TMPRSS9: variants seen among roughly 807,000 people sequenced by gnomAD.
The protein encoded by TMPRSS9 is transmembrane serine protease 9, also known as transmembrane protease serine 9.
Under a neutral mutation model 111.4 loss-of-function variants are expected in TMPRSS9, and 113 were observed. That is an observed-to-expected ratio of 1.01 (90% CI 0.87 to 1.19). TMPRSS9 has a LOEUF of 1.19. Ranked by LOEUF, TMPRSS9 falls within the 50% of genes most tolerant of loss-of-function variation. TMPRSS9 has a pLI of 0.00. For synonymous variants in TMPRSS9, 805 were observed against 659.1 expected, an observed-to-expected ratio of 1.22 and a Z score of -3.39; for missense variants, 1,803 against 1,513.1, an observed-to-expected ratio of 1.19 and a Z score of -3.18.
chr19:2,413,562 C>A lies in TMPRSS9; in HGVS notation c.1255-138C>A, dbSNP rs545401125. 7.5e-6 allele frequency: 7 copies of A among 930,732 alleles called. No individual in the cohort carries two copies. In the Admixed American group the frequency reaches 1.5e-4, roughly 20 times the overall value. The allele number at this position is 930,732 out of a possible 1,614,324, so 57.7% of individuals were successfully genotyped here. A position where few individuals can be genotyped will look rare whatever the true frequency, so the allele number is the denominator to read the frequency against. On this transcript the variant is annotated intron_variant, in intron 9 of 17. Transcript: ENST00000648592. ...AAACAGGTTCTGAGATGTCAATGATCAGCCCCAGGTGCTCTGTGAGCTTGT... is the reference window on the plus strand; with the variant it reads ...AAACAGGTTCTGAGATGTCAATGATAAGCCCCAGGTGCTCTGTGAGCTTGT...
chr19:2,387,090 C>CT (rs1439804435), upstream of TMPRSS9, among the ~76,000 whole-genome samples: 1 of 151,918 alleles, frequency 6.6e-6, no homozygotes, highest in Non-Finnish European at 1.5e-5. Flanking sequence ...GGTGCAGTGG[C>CT]TCACGCCTGT....
intron 13 of TMPRSS9, 94 bp from the exon 15 acceptor site, chr19:2,421,760 G>A (rs992067815): frequency 2.1e-6 from 3 of 1,411,498 alleles, no homozygotes; most frequent in Non-Finnish European, 9.6e-7. Flanking sequence ...GCCCTCGATG[G>A]CTCCCACCCA....
At chr19:2,413,889 C>T (rs1156809021) in exon 10 of TMPRSS9, 4 of 1,613,322 alleles carry the variant, frequency 2.5e-6, no homozygotes, top group Non-Finnish European at 3.4e-6. Context: ...CACCATGGCT[C>T]CTGCCCCTGC....
chr19:2,418,278 TTTTCCTTTCCTCC>T lies in TMPRSS9; in HGVS notation c.2154+148_2154+160del, dbSNP rs1419915001. On this transcript the variant is annotated intron_variant, in intron 13 of 17. Transcript: ENST00000648592. Reference sequence around the variant, plus strand: ...TCCTTCCCTCCTTGTCCTTCCCTCCTTTTCCTTTCCTCCTTTCCTTCCCTCCCTTTCCCTCCCT... The same window carrying T: ...TCCTTCCCTCCTTGTCCTTCCCTCCTTTTCCTTCCCTCCCTTTCCCTCCCT... 77 of 775,206 alleles carry T rather than the reference TTTTCCTTTCCTCC, an allele frequency of 9.9e-5. 7 individuals carry two copies. Among genetic ancestry groups the T allele is most frequent in the Middle Eastern group, 3.1e-4 (1 of 3,204 alleles). The allele number at this position is 775,206 out of a possible 1,614,324, so 48.0% of individuals were successfully genotyped here. A position where few individuals can be genotyped will look rare whatever the true frequency, so the allele number is the denominator to read the frequency against.
intron 1 of TMPRSS9, among the ~76,000 whole-genome samples, chr19:2,366,628 A>T (rs933812824): frequency 2.0e-5 from 3 of 150,852 alleles, no homozygotes; most frequent in Non-Finnish European, 4.4e-5. Flanking sequence ...GAGGCTGAGG[A>T]GGGCAGATCA....
chr19:2,425,658 G>A (rs1971604678), intron 17 of TMPRSS9, 165 bp downstream of exon 18: 2 of 1,332,872 alleles, frequency 1.5e-6, no homozygotes, highest in African/African-American at 3.1e-5. Flanking sequence ...CCACTCCACA[G>A]CCGTTTATTG....
intron 10 of TMPRSS9, among the ~76,000 whole-genome samples, chr19:2,414,973 T>C (rs1451728319): frequency 6.7e-6 from 1 of 148,612 alleles, no homozygotes; most frequent in Non-Finnish European, 1.5e-5. Flanking sequence ...GAGACGGAGT[T>C]TCACTCTTGT....
chr19:2,409,056 G>C, intron 8 of TMPRSS9, among the ~76,000 whole-genome samples: 1 of 148,540 alleles, frequency 6.7e-6, no homozygotes, highest in Admixed American at 6.8e-5. Flanking sequence ...AACACAGTGG[G>C]TCTGCATTAT....
intron 13 of TMPRSS9, among the ~76,000 whole-genome samples, 168 bp downstream of exon 14, chr19:2,418,306 T>TTTCTCTCCTTTCC (rs1971314223): frequency 1.1e-4 from 6 of 53,376 alleles, no homozygotes; most frequent in Non-Finnish European, 1.9e-4. Flanking sequence ...CTTCCCTCCC[T>TTTCTCTCCTTTCC]TTCCCTCCCT....
At chr19:2,380,445 A>T (rs138306549) in intron 1 of TMPRSS9, among the ~76,000 whole-genome samples, 11 of 151,998 alleles carry the variant, frequency 7.2e-5, no homozygotes, top group Admixed American at 2.6e-4. Context: ...AAAATAAAAA[A>T]AAAAAATTAG....
Position 2,416,551 on chromosome 19 carries a change from C to T in TMPRSS9, c.1759C>T (p.Gln587Ter). The T allele has an allele frequency of 6.2e-7, 1 of 1,608,666 alleles. No homozygotes were observed. Among genetic ancestry groups the T allele is most frequent in the East Asian group, 2.2e-5 (1 of 44,836 alleles). Residue 587 changes from glutamine (Q) to a stop codon, truncating the protein, a stop_gained, in exon 12 of 18, where the codon CAG becomes TAG. Coordinates refer to ENST00000648592, the Ensembl canonical transcript of TMPRSS9. LOFTEE classifies it high-confidence loss of function. The stretch of plus-strand genomic sequence containing the variant: ...CTGTCTCCATAGCACGAAGGTGGAG[C>T]AGGTTCGGGCCCACCTGGGCACTGC...
At chr19:2,369,784 C>T (rs1970274755) in intron 1 of TMPRSS9, among the ~76,000 whole-genome samples, 1 of 151,960 alleles carries the variant, frequency 6.6e-6, no homozygotes, top group Admixed American at 6.6e-5. Context: ...GAAACACCTC[C>T]TGTTTACTGT....
chr19:2,367,587 G>A (rs1970257710), intron 1 of TMPRSS9, among the ~76,000 whole-genome samples: 1 of 148,932 alleles, frequency 6.7e-6, no homozygotes, highest in African/African-American at 2.5e-5. Flanking sequence ...TTTTTGAGAG[G>A]GAGTCTTGCT....
intron 1 of TMPRSS9, among the ~76,000 whole-genome samples, chr19:2,368,212 T>C (rs1463076254): frequency 6.6e-6 from 1 of 152,130 alleles, no homozygotes; most frequent in Non-Finnish European, 1.5e-5. Context: ...TGGCTCCCCT[T>C]TTCCAATGGT....
At chr19:2,365,605 AAAAC>A (rs988890927) in intron 1 of TMPRSS9, among the ~76,000 whole-genome samples, 40 of 139,954 alleles carry the variant, frequency 2.9e-4, no homozygotes, top group Admixed American at 5.4e-4. Context: ...GGTGAAGGAA[AAAAC>A]AAACAAACAA....
At chr19:2,364,583 A>T (rs996089386) in intron 1 of TMPRSS9, among the ~76,000 whole-genome samples, 5 of 152,064 alleles carry the variant, frequency 3.3e-5, no homozygotes, top group African/African-American at 4.8e-5. Flanking sequence ...CTTTATGAAA[A>T]AAAAAATTGG....
exon 6 of TMPRSS9, chr19:2,403,180 G>A (rs1191590427): frequency 3.1e-6 from 5 of 1,609,034 alleles, no homozygotes; most frequent in South Asian, 1.1e-5. Context: ...CGATGGGTCC[G>A]ACGAGGCGCA....
chr19:2,401,878 G>A, intron 4 of TMPRSS9, 97 bp from the exon 6 acceptor site: 3 of 1,009,280 alleles, frequency 3.0e-6, no homozygotes, highest in South Asian at 2.9e-5. Context: ...AAAGTGCTGG[G>A]ATTACAGGTG....
upstream of TMPRSS9, among the ~76,000 whole-genome samples, chr19:2,386,511 A>G (rs532286464): frequency 6.6e-6 from 1 of 151,946 alleles, no homozygotes; most frequent in South Asian, 2.1e-4. Flanking sequence ...TCTCAAAAAA[A>G]AAAAAACCAA....
Sources: gnomAD v4.1 joint callset for allele counts (sites outside exome capture counted in the v4.1 genomes callset) on GRCh38, gnomAD v4.1.1 for gene constraint, MANE v1.5 for transcripts, NCBI Gene and HGNC (gene_info 2026-07-23, HGNC 2026-07-21) for gene names.